EFCAB8: variants seen among roughly 807,000 people sequenced by gnomAD.
EFCAB8 encodes the protein EF-hand calcium binding domain 8.
Under a neutral mutation model 116.3 loss-of-function variants are expected in EFCAB8, and 100 were observed. The observed-to-expected ratio is 0.86, with a 90% confidence interval of 0.73 to 1.02. The LOEUF is 1.02. Among genes scored for constraint, EFCAB8 ranks in the 50% least tolerant of loss-of-function variants. EFCAB8 has a pLI of 0.00. For synonymous variants in EFCAB8, 558 were observed against 567.9 expected, an observed-to-expected ratio of 0.98 and a Z score of 0.25; for missense variants, 1,320 against 1,416.9, an observed-to-expected ratio of 0.93 and a Z score of 1.10.
At chr20:32,885,075 G>C (rs1985540667) in intron 5 of EFCAB8, among the ~76,000 whole-genome samples, 1 of 152,208 alleles carries the variant, frequency 6.6e-6, no homozygotes, top group African/African-American at 2.4e-5. Context: ...CAGAGCACTA[G>C]AGCAGTTGCT....
At chr20:32,918,606 C>T (rs1987309197) in intron 19 of EFCAB8, 32 bp downstream of exon 19, 2 of 1,545,484 alleles carry the variant, frequency 1.3e-6, no homozygotes, top group African/African-American at 2.7e-5. Flanking sequence ...GAAGGCTACC[C>T]TCACTCTCTA....
intron 23 of EFCAB8, among the ~76,000 whole-genome samples, chr20:32,946,283 C>T (rs1006817593): frequency 3.3e-5 from 5 of 152,264 alleles, no homozygotes; most frequent in African/African-American, 1.2e-4. Flanking sequence ...GTCTTTCCCT[C>T]CCAGGGAGAA....
At chr20:32,940,678 G>C (rs926460802) in intron 22 of EFCAB8, among the ~76,000 whole-genome samples, 2 of 149,466 alleles carry the variant, frequency 1.3e-5, no homozygotes, top group Non-Finnish European at 3.0e-5. Context: ...ATCTGATAAG[G>C]GACTAGTATC....
At chr20:32,945,635 G>T (rs541953093) in intron 23 of EFCAB8, among the ~76,000 whole-genome samples, 1 of 152,108 alleles carries the variant, frequency 6.6e-6, no homozygotes, top group Admixed American at 6.5e-5. Context: ...GTTCCTTTGG[G>T]CCATGCTTTC....
intron 23 of EFCAB8, among the ~76,000 whole-genome samples, chr20:32,956,884 G>T (rs922166179): frequency 6.7e-6 from 1 of 149,360 alleles, no homozygotes; most frequent in African/African-American, 2.5e-5. Context: ...CATTGTGGGG[G>T]TACTAACTAT....
chr20:32,928,405 T>C (rs1987757863), intron 20 of EFCAB8, among the ~76,000 whole-genome samples: 1 of 151,986 alleles, frequency 6.6e-6, no homozygotes, highest in African/African-American at 2.4e-5. Context: ...CTGGCTAATA[T>C]TTGTATTTTT....
chr20:32,872,122 A>G (rs1984711691), intron 3 of EFCAB8, among the ~76,000 whole-genome samples: 1 of 152,202 alleles, frequency 6.6e-6, no homozygotes, highest in Non-Finnish European at 1.5e-5. Flanking sequence ...AGCAACAAAT[A>G]TAATAATAAT....
intron 18 of EFCAB8, among the ~76,000 whole-genome samples, chr20:32,917,787 A>C (rs1260651098): frequency 6.6e-6 from 1 of 152,250 alleles, no homozygotes; most frequent in East Asian, 1.9e-4. Context: ...AGAGGCTGGC[A>C]GTGCTGGTCC....
At chr20:32,929,502 GTT>G (rs11483446) in intron 20 of EFCAB8, among the ~76,000 whole-genome samples, 4 of 70,018 alleles carry the variant, frequency 5.7e-5, no homozygotes, top group South Asian at 5.0e-4. Flanking sequence ...CTTCCCTTCT[GTT>G]TTTTTTTTTT....
intron 7 of EFCAB8, 150 bp from the exon 8 acceptor site, chr20:32,892,063 A>T: frequency 1.5e-6 from 1 of 669,652 alleles, no homozygotes. Context: ...GGGTGGGTTT[A>T]CTCTGTGAAC....
In EFCAB8 at chr20:32,917,497, C is replaced by T; in HGVS notation, c.2053C>T (p.Pro685Ser). Reference protein sequence around the residue: ...NASRSPSPLQPKRVQDVNNCL... With the variant: ...NASRSPSPLQSKRVQDVNNCL... ...CTCTAGGAGCCCCTCGCCCTTGCAG[C>T]CCAAGAGGGTATGTTAACAGGAGCA... The change falls in exon 18 of 27, where the codon CCC (proline) becomes TCC (serine). Residue 685 changes from proline (P) to serine (S), a missense_variant. Coordinates refer to ENST00000400522, the MANE Select transcript of EFCAB8 (RefSeq NM_001143967.2). 1 of 1,551,750 alleles carries T rather than the reference C, an allele frequency of 6.4e-7. No homozygotes were observed. Among genetic ancestry groups the T allele is most frequent in the Non-Finnish European group, 8.7e-7 (1 of 1,146,940 alleles).
At position 32,959,874 on chromosome 20, in the gene EFCAB8, C is replaced by T. The variant is rs140242291; in HGVS notation, c.3186C>T (p.Asp1062=). Residue 1062 remains aspartate (D), a synonymous_variant, in exon 25 of 27, where the codon GAC becomes GAT. Coordinates refer to ENST00000400522, the MANE Select transcript of EFCAB8 (RefSeq NM_001143967.2). Reference sequence around the variant, plus strand: ...ATGGGAAGGCAGATAAGGAGGCAGACACTTGGGCCAAGCTGCAGAAGATGG... The same window carrying T: ...ATGGGAAGGCAGATAAGGAGGCAGATACTTGGGCCAAGCTGCAGAAGATGG... The part of the protein sequence containing the change: ...LLHGKADKEA[D]TWAKLQKMAL... 412 of 1,551,300 alleles carry T rather than the reference C, an allele frequency of 2.7e-4. No individual in the cohort carries two copies. In the African/African-American group the frequency reaches 5.1e-3, roughly 19 times the overall value.
At chr20:32,884,714 C>A (rs949815950) in intron 5 of EFCAB8, among the ~76,000 whole-genome samples, 26 of 152,290 alleles carry the variant, frequency 1.7e-4, no homozygotes, top group African/African-American at 6.3e-4. Flanking sequence ...TAACTCCAGG[C>A]AAATGATTAT....
rs541887087 is a variant in EFCAB8 at position 32,917,843 on chromosome 20, A to G, written c.2061+338A>G. On this transcript the variant is annotated intron_variant, in intron 18 of 26. Transcript: ENST00000400522. ...CGCTCCTTTCCCATTGCTACTACAC[A>G]TTACCACTGTGGGCTCCCCAGCAGG... 2.5e-4 allele frequency among the ~76,000 whole-genome samples: 38 copies of G among 152,250 alleles called. 1 individual carries two copies. Among genetic ancestry groups the G allele is most frequent in the African/African-American group, 9.2e-4 (38 of 41,526 alleles).
At chr20:32,862,998 C>T (rs1439680815) in intron 1 of EFCAB8, among the ~76,000 whole-genome samples, 1 of 132,266 alleles carries the variant, frequency 7.6e-6, no homozygotes, top group Non-Finnish European at 1.6e-5. Context: ...CAAGATTCTA[C>T]TTTTTGCTGC....
rs139762068 is a variant in EFCAB8, at chr20:32,875,028, C to T, written c.209-898C>T. On this transcript the variant is annotated intron_variant, in intron 3 of 26. Transcript: ENST00000400522. ...CCTCCCAGAGTGCTGGGATTACAGG[C>T]GTGAGCCACCGTGCCTGGCCTGGTT... is the stretch of plus-strand genomic sequence containing the variant. 1.5e-3 allele frequency among the ~76,000 whole-genome samples: 225 copies of T among 152,326 alleles called. 1 individual carries two copies. Among genetic ancestry groups the T allele is most frequent in the African/African-American group, 5.2e-3 (217 of 41,580 alleles).
At chr20:32,912,490 G>A (rs1341765824) in intron 16 of EFCAB8, among the ~76,000 whole-genome samples, 2 of 151,546 alleles carry the variant, frequency 1.3e-5, no homozygotes, top group Non-Finnish European at 2.9e-5. Flanking sequence ...GCCAGGGGTT[G>A]AGTACTGCTC....
At chr20:32,859,196 T>C (rs1983975378) in intron 1 of EFCAB8, among the ~76,000 whole-genome samples, 190 bp downstream of exon 1, 1 of 152,190 alleles carries the variant, frequency 6.6e-6, no homozygotes, top group South Asian at 2.1e-4. Flanking sequence ...ATCCCTAGCA[T>C]GTTCCCCTAG....
intron 3 of EFCAB8, among the ~76,000 whole-genome samples, chr20:32,872,250 G>C (rs1390013947): frequency 6.6e-6 from 1 of 152,192 alleles, no homozygotes; most frequent in Non-Finnish European, 1.5e-5. Flanking sequence ...CCAGCTGTGT[G>C]ACCTTGGGCA....
Sources: allele counts gnomAD v4.1 joint callset (sites outside exome capture counted in the v4.1 genomes callset), GRCh38; gene constraint gnomAD v4.1.1; transcripts MANE v1.5; gene names NCBI Gene and HGNC (gene_info 2026-07-23, HGNC 2026-07-21).